The following C2orf76 variants were observed in gnomAD, a reference collection of about 807,000 sequenced individuals.
C2orf76 encodes the protein UPF0538 protein C2orf76.
A neutral mutation model predicts 16.9 loss-of-function variants in C2orf76; 23 were observed. That is an observed-to-expected ratio of 1.36 (90% CI 0.98 to 1.93). The LOEUF (loss-of-function observed/expected upper bound fraction) is 1.93, where lower values mean the gene tolerates loss of function less well. Ranked by LOEUF, C2orf76 falls within the 30% of genes most tolerant of loss-of-function variation. The pLI is 0.00. For missense variants in C2orf76, 152 were observed against 152.6 expected (o/e 1.00, Z 0.02); for synonymous variants, 48 against 52.3 (o/e 0.92, Z 0.35).
intron 2 of C2orf76, among the ~76,000 whole-genome samples, chr2:119,321,640 G>A (rs983140552): frequency 2.6e-5 from 4 of 152,172 alleles, no homozygotes; most frequent in African/African-American, 4.8e-5. Flanking sequence ...TCCCCTGACA[G>A]GTGGGGATTA....
chr2:119,291,030 G>A, the C2orf76 span, among the ~76,000 whole-genome samples: 1 of 151,902 alleles, frequency 6.6e-6, no homozygotes, highest in African/African-American at 2.4e-5. Context: ...GGCCTCATCA[G>A]TTCCCAGGCC....
intron 2 of C2orf76, among the ~76,000 whole-genome samples, chr2:119,328,603 G>T (rs1332513807): frequency 2.0e-5 from 3 of 151,942 alleles, no homozygotes; most frequent in African/African-American, 7.3e-5. Flanking sequence ...ATTTTCTGCT[G>T]TGATCATTAT....
chr2:119,314,014 GTTTT>G (rs368623211), intron 4 of C2orf76, among the ~76,000 whole-genome samples: 2 of 86,166 alleles, frequency 2.3e-5, no homozygotes, highest in Non-Finnish European at 4.2e-5. Context: ...TTTCTCAGTG[GTTTT>G]TTTTTTTTTT....
chr2:119,326,774 T>C lies in C2orf76; in HGVS notation c.134-5570A>G, dbSNP rs114169823. ...TTTAAAGTTTTTAGAGTAAAAGTCT[T>C]ACACTTCTACCAAATGTATCCTAAG... On this transcript the variant is annotated intron_variant, in intron 2 of 5. Transcript: ENST00000334816. 3.8e-3 allele frequency among the ~76,000 whole-genome samples: 575 copies of C among 152,304 alleles called. 4 individuals are homozygous for C. The highest frequency in any genetic ancestry group is 9.8e-3 in the African/African-American group (408 of 41,588).
rs1679594204 is a variant in C2orf76, at chr2:119,329,041, G to A, written c.134-7837C>T. On this transcript the variant is annotated intron_variant, in intron 2 of 5. Transcript: ENST00000334816. ...CATAAACGCTCCATGTGCATTTGAA[G>A]GAAATGTGTAAATTCCACTATTGTT... Among the ~76,000 whole-genome samples the A allele has an allele frequency of 5.9e-5, 9 of 152,296 alleles. No homozygotes were observed. In the South Asian group the frequency reaches 1.9e-3, roughly 32 times the overall value.
At chr2:119,318,139 T>C (rs1205763316) in intron 3 of C2orf76, among the ~76,000 whole-genome samples, 6 of 152,234 alleles carry the variant, frequency 3.9e-5, no homozygotes, top group Non-Finnish European at 8.8e-5. Flanking sequence ...CAGGCTACAC[T>C]GTGCACTTCC....
chr2:119,329,203 T>G (rs1394862364), intron 2 of C2orf76, among the ~76,000 whole-genome samples: 1 of 152,198 alleles, frequency 6.6e-6, no homozygotes, highest in African/African-American at 2.4e-5. Flanking sequence ...ACTTCATTTA[T>G]TTTGAAATTC....
chr2:119,293,300 C>G, the C2orf76 span, among the ~76,000 whole-genome samples: 2 of 152,148 alleles, frequency 1.3e-5, no homozygotes, highest in African/African-American at 2.4e-5. Flanking sequence ...TTTGAGCAGA[C>G]AGCTGACAGA....
At chr2:119,366,010 C>A (rs901346288) in intron 1 of C2orf76, among the ~76,000 whole-genome samples, 3 of 152,094 alleles carry the variant, frequency 2.0e-5, no homozygotes, top group Admixed American at 6.5e-5. Context: ...TACACTTGTT[C>A]TCTGCTTGGA....
chr2:119,325,875 C>T (rs546161745), intron 2 of C2orf76, among the ~76,000 whole-genome samples: 11 of 152,122 alleles, frequency 7.2e-5, no homozygotes, highest in South Asian at 2.1e-4. Flanking sequence ...GTGAAGTGTC[C>T]GTTCAAATAT....
chr2:119,295,317 C>T, the C2orf76 span, among the ~76,000 whole-genome samples: 594 of 152,110 alleles, frequency 3.9e-3, 4 homozygotes, highest in African/African-American at 8.5e-3. Flanking sequence ...GGTTAGGGGA[C>T]GGCAATAATG....
chr2:119,360,798 A>AT (rs1680720904), intron 1 of C2orf76, among the ~76,000 whole-genome samples: 1 of 152,256 alleles, frequency 6.6e-6, no homozygotes, highest in Admixed American at 6.5e-5. Context: ...GTACTCAGGG[A>AT]TAAAAAAGAA....
the C2orf76 span, among the ~76,000 whole-genome samples, chr2:119,281,660 G>A: frequency 6.6e-6 from 1 of 152,124 alleles, no homozygotes; most frequent in Non-Finnish European, 1.5e-5. Context: ...ATAGGAAACC[G>A]TTATTACTGG....
intron 5 of C2orf76, among the ~76,000 whole-genome samples, chr2:119,304,018 C>T (rs937942010): frequency 6.6e-6 from 1 of 152,170 alleles, no homozygotes; most frequent in Non-Finnish European, 1.5e-5. Context: ...GGGTAAAAGA[C>T]TCCTCCACAC....
chr2:119,343,852 C>T (rs1251399135), intron 1 of C2orf76, among the ~76,000 whole-genome samples: 2 of 152,190 alleles, frequency 1.3e-5, no homozygotes, highest in Non-Finnish European at 2.9e-5. Context: ...CACAATTCCT[C>T]ACACACAGGA....
At chr2:119,297,303 T>TA (rs1678555809), downstream of C2orf76, among the ~76,000 whole-genome samples, 1 of 152,196 alleles carries the variant, frequency 6.6e-6, no homozygotes, top group Admixed American at 6.5e-5. Context: ...GGTGATTTTT[T>TA]AAAAAATGAG....
intron 5 of C2orf76, among the ~76,000 whole-genome samples, chr2:119,306,860 C>T (rs1678805861): frequency 6.6e-6 from 1 of 152,134 alleles, no homozygotes; most frequent in South Asian, 2.1e-4. Context: ...AAAGGATGAA[C>T]TAGAGAATTT....
intron 1 of C2orf76, among the ~76,000 whole-genome samples, chr2:119,354,338 T>C (rs372639172): frequency 6.6e-6 from 1 of 152,136 alleles, no homozygotes; most frequent in African/African-American, 2.4e-5. Context: ...CTGGCCAACA[T>C]GGTGAAACCC....
chr2:119,311,233 G>A, intron 5 of C2orf76: 5 of 985,452 alleles, frequency 5.1e-6, no homozygotes, highest in Admixed American at 6.1e-5. Context: ...CACACTGCAT[G>A]TGATACCAAC....
Sources: gnomAD v4.1 joint callset for allele counts (sites outside exome capture counted in the v4.1 genomes callset) on GRCh38, gnomAD v4.1.1 for gene constraint, MANE v1.5 for transcripts, NCBI Gene and HGNC (gene_info 2026-07-23, HGNC 2026-07-21) for gene names.